The following STXBP5 variants were observed in gnomAD, a reference collection of about 807,000 sequenced individuals.
The protein encoded by STXBP5 is syntaxin-binding protein 5.
STXBP5 carries 50 observed loss-of-function variants against 152.4 expected under a neutral mutation model. That is an observed-to-expected ratio of 0.33 (90% CI 0.26 to 0.42). STXBP5 has a LOEUF of 0.42. STXBP5 is among the 10% of genes least tolerant of loss of function. The pLI is 1.00. For synonymous variants in STXBP5, 492 were observed against 494.7 expected (o/e 0.99, Z 0.07); for missense variants, 1,167 against 1,388.6 (o/e 0.84, Z 2.54).
chr6:147,364,158 A>C lies in STXBP5; in HGVS notation c.3073A>C (p.Asn1025His). The C allele has an allele frequency of 6.2e-7, 1 of 1,611,598 alleles. No individual in the cohort carries two copies. Among genetic ancestry groups the C allele is most frequent in the Non-Finnish European group, 8.5e-7 (1 of 1,179,086 alleles). The change falls in exon 25 of 28, where the codon AAT becomes CAT. Residue 1025 changes from asparagine to histidine, a missense_variant. By Grantham distance (68) the Asn-to-His change is moderately conservative. Transcript: ENST00000321680. ...RLTYSQETCENLQEMLGELFT... is the reference protein window; with the variant it reads ...RLTYSQETCEHLQEMLGELFT... The stretch of plus-strand genomic sequence containing the variant: ...TACTTATAGTCAAGAGACCTGTGAA[A>C]ATCTTCAGGTAATTAATAAAAATAT...
chr6:147,309,557 T>C (rs1183985834), intron 9 of STXBP5, among the ~76,000 whole-genome samples: 1 of 152,128 alleles, frequency 6.6e-6, no homozygotes, highest in African/African-American at 2.4e-5. Flanking sequence ...GTATGGGAGC[T>C]ATGGTTTGAG....
At chr6:147,235,096 T>C (rs1046019770) in intron 2 of STXBP5, among the ~76,000 whole-genome samples, 154 bp from the exon 3 acceptor site, 5 of 152,108 alleles carry the variant, frequency 3.3e-5, no homozygotes, top group African/African-American at 1.2e-4. Flanking sequence ...AACTATTAGA[T>C]TGATGTGTAA....
In STXBP5 at chr6:147,267,079, C is replaced by A. The variant is rs374024030; in HGVS notation, c.631-5C>A. On this transcript the variant is annotated splice_polypyrimidine_tract_variant and splice_region_variant and intron_variant, in intron 6 of 27. Transcript: ENST00000321680. The stretch of plus-strand genomic sequence containing the variant: ...TAGGTAATGTGCCTTTTTCTTTTAT[C>A]ACAGCTTTTGATTGGCTTTGAATCT... 1.2e-6 allele frequency: 2 copies of A among 1,604,060 alleles called. No homozygotes were observed. The highest frequency in any genetic ancestry group is 2.7e-5 in the African/African-American group (2 of 74,042).
intron 6 of STXBP5, among the ~76,000 whole-genome samples, chr6:147,265,036 T>G (rs1196482103): frequency 6.6e-6 from 1 of 152,128 alleles, no homozygotes; most frequent in Non-Finnish European, 1.5e-5. Flanking sequence ...CAGTGCTGTT[T>G]ACAGTGTATA....
At chr6:147,380,709 G>C (rs193241471) in intron 26 of STXBP5, among the ~76,000 whole-genome samples, 4 of 151,962 alleles carry the variant, frequency 2.6e-5, no homozygotes, top group Non-Finnish European at 5.9e-5. Context: ...GAATACTAAC[G>C]AGAAAGTGAA....
At chr6:147,254,884 T>G (rs568459810) in intron 4 of STXBP5, among the ~76,000 whole-genome samples, 5 of 152,326 alleles carry the variant, frequency 3.3e-5, no homozygotes, top group African/African-American at 9.6e-5. Context: ...GTAAATTAGT[T>G]CAACCATTGT....
chr6:147,250,112 G>A lies in STXBP5; in HGVS notation c.432-10503G>A, dbSNP rs542079029. Among the ~76,000 whole-genome samples, 6 of 152,296 alleles carry A rather than the reference G, an allele frequency of 3.9e-5. No individual in the cohort carries two copies. The East Asian group carries it at 1.2e-3, about 29-fold the overall frequency. On this transcript the variant is annotated intron_variant, in intron 4 of 27. Coordinates refer to ENST00000321680, the MANE Select transcript of STXBP5 (RefSeq NM_001127715.4). ...ACAAAATAAAAGGAAGCTGTAGCCA[G>A]AAGCAGGCTGATAAAAGAACTCAGC...
At chr6:147,314,364 T>A in intron 13 of STXBP5, 33 bp downstream of exon 13, 1 of 1,553,390 alleles carries the variant, frequency 6.4e-7, no homozygotes, top group Non-Finnish European at 8.9e-7. Context: ...CAAGTAAATC[T>A]ATAATAGCTA....
chr6:147,384,593 T>C (rs1583022905), intron 27 of STXBP5, 121 bp from the exon 28 acceptor site: 1 of 954,582 alleles, frequency 1.0e-6, no homozygotes, highest in Non-Finnish European at 1.6e-6. Context: ...GAAGTAAGCA[T>C]ATAGTAGCAC....
chr6:147,235,178 G>C, intron 2 of STXBP5, 72 bp from the exon 3 acceptor site: 1 of 1,285,846 alleles, frequency 7.8e-7, no homozygotes, highest in South Asian at 1.2e-5. Context: ...ATATTTATCA[G>C]CCTATTATAT....
intron 3 of STXBP5, among the ~76,000 whole-genome samples, chr6:147,235,562 G>A (rs1367028860): frequency 6.6e-6 from 1 of 152,140 alleles, no homozygotes; most frequent in Non-Finnish European, 1.5e-5. Context: ...TAAGGTAAAT[G>A]TTTTTGGTAA....
chr6:147,323,091 C>T (rs1029745408), intron 16 of STXBP5, among the ~76,000 whole-genome samples: 4 of 148,470 alleles, frequency 2.7e-5, no homozygotes, highest in African/African-American at 9.8e-5. Flanking sequence ...TGTACATTCA[C>T]TGTTTCTTCT....
At position 147,387,302 on chromosome 6, in the gene STXBP5, C is replaced by T. The variant is rs1447439794; in HGVS notation, c.*2547C>T. On this transcript the variant is annotated 3_prime_UTR_variant, in exon 28 of 28. Coordinates refer to ENST00000321680, the MANE Select transcript of STXBP5 (RefSeq NM_001127715.4). The stretch of plus-strand genomic sequence containing the variant: ...AATAGTCACCAGCAAGCCACGATTT[C>T]AGGAAAACTGACTAAAAAAAAAAGT... 6.6e-6 allele frequency: 1 copy of T among 151,014 alleles called. No homozygotes were observed. Among genetic ancestry groups the T allele is most frequent in the African/African-American group, 2.4e-5 (1 of 41,202 alleles). The allele number at this position is 151,014 out of a possible 1,614,324, so 9.4% of individuals were successfully genotyped here.
chr6:147,324,303 G>A (rs562740515), intron 16 of STXBP5, among the ~76,000 whole-genome samples: 6 of 88,260 alleles, frequency 6.8e-5, no homozygotes, highest in East Asian at 3.2e-4. Flanking sequence ...ACAGAGTTTC[G>A]CTCTTGTTGC....
chr6:147,289,768 G>T (rs148316970), intron 8 of STXBP5, among the ~76,000 whole-genome samples: 1 of 151,814 alleles, frequency 6.6e-6, no homozygotes, highest in Non-Finnish European at 1.5e-5. Context: ...GGAGGATATG[G>T]CAAAATACGG....
rs1378532854 is a variant in STXBP5, at chr6:147,238,525, GAA to G, written c.331-643_331-642del. ...ACCACGTCTAAACCATAGCACTCTG[GAA>G]ATTCTGATTTGTTGGGTTTGGGTGA... On this transcript the variant is annotated intron_variant, in intron 3 of 27. Coordinates refer to ENST00000321680, the MANE Select transcript of STXBP5 (RefSeq NM_001127715.4). Among the ~76,000 whole-genome samples the G allele has an allele frequency of 3.9e-5, 6 of 152,238 alleles. No individual in the cohort carries two copies. The East Asian group carries it at 1.2e-3, about 29-fold the overall frequency.
chr6:147,258,730 G>GC (rs1779504479), intron 4 of STXBP5, among the ~76,000 whole-genome samples: 2 of 152,150 alleles, frequency 1.3e-5, no homozygotes, highest in African/African-American at 2.4e-5. Flanking sequence ...ACCGCGCCCA[G>GC]CCCATAACAC....
rs1484511842 is a variant in STXBP5, at chr6:147,352,270, GATATT to G, written c.2255-1052_2255-1048del. Among the ~76,000 whole-genome samples the G allele has an allele frequency of 2.0e-5, 3 of 152,186 alleles. No homozygotes were observed. In the East Asian group the frequency reaches 5.8e-4, roughly 29 times the overall value. On this transcript the variant is annotated intron_variant, in intron 21 of 27. Coordinates refer to ENST00000321680, the MANE Select transcript of STXBP5 (RefSeq NM_001127715.4). ...CTTATATCAAGGAGTGGTTGAGTCA[GATATT>G]GTATAATGTAATCAAATACTTAAAT...
chr6:147,260,343 G>A (rs1384976135), intron 4 of STXBP5, among the ~76,000 whole-genome samples: 2 of 152,102 alleles, frequency 1.3e-5, no homozygotes, highest in African/African-American at 4.8e-5. Flanking sequence ...CCAAGGTTAC[G>A]CAGTTAGTGG....
Sources: gnomAD v4.1 joint callset for allele counts (sites outside exome capture counted in the v4.1 genomes callset) on GRCh38, gnomAD v4.1.1 for gene constraint, MANE v1.5 for transcripts, NCBI Gene and HGNC (gene_info 2026-07-23, HGNC 2026-07-21) for gene names.